Variants in PWWP3A observed in about 807,000 individuals in gnomAD.
PWWP3A encodes the protein PWWP domain containing 3A, DNA repair factor.
In PWWP3A, 53 loss-of-function variants were observed where a neutral mutation model predicts 79.0. The observed-to-expected ratio is 0.67, with a 90% CI of 0.54 to 0.84. The LOEUF (loss-of-function observed/expected upper bound fraction) is 0.84. Ranked by LOEUF, PWWP3A falls within the 40% of genes least tolerant of loss-of-function variation. The probability of loss-of-function intolerance (pLI) is 0.00; values close to 1 mark genes in which losing one functional copy is unlikely to be tolerated. For synonymous variants in PWWP3A, 443 were observed against 394.4 expected (o/e 1.12, Z -1.46); for missense variants, 973 against 948.0 (o/e 1.03, Z -0.35).
chr19:1,359,148 G>A (rs2081953727), intron 4 of PWWP3A: 1 of 163,214 alleles, frequency 6.1e-6, no homozygotes, highest in African/African-American at 2.4e-5. Flanking sequence ...AGGAGCACTG[G>A]TGACTGCCTG....
chr19:1,369,401 C>T lies in PWWP3A; in HGVS notation c.1498+61C>T, dbSNP rs1157690852. 2 of 1,580,442 alleles carry T rather than the reference C, an allele frequency of 1.3e-6. No individual in the cohort carries two copies. Among genetic ancestry groups the T allele is most frequent in the Admixed American group, 1.7e-5 (1 of 59,802 alleles). ...GCAGGCGTCCAGCCTCTGAAGACCC[C>T]TTGGACGGGCTGGGCCGGAGCTGCC... On this transcript the variant is annotated intron_variant, in intron 10 of 13. Coordinates refer to ENST00000591337, the MANE Select transcript of PWWP3A (RefSeq NM_001369789.1). This position sits in a 1 kb window ranked among gnomAD's most constrained non-coding sequence, Gnocchi z 4.0.
At chr19:1,375,538 T>TATATATAAAA (rs1355785315) in intron 13 of PWWP3A, among the ~76,000 whole-genome samples, 1 of 6,426 alleles carries the variant, frequency 1.6e-4, no homozygotes, top group Non-Finnish European at 3.3e-4. Flanking sequence ...TTTATATATT[T>TATATATAAAA]TATATATAAA....
chr19:1,372,748 C>G, intron 12 of PWWP3A: 1 of 252,088 alleles, frequency 4.0e-6, no homozygotes, highest in Non-Finnish European at 7.7e-6. Context: ...CAGGGCGAGA[C>G]TCTGTACCAG....
In PWWP3A at chr19:1,355,526, T is replaced by G. The variant is rs565819120; in HGVS notation, c.-70+391T>G. ...TCCCCCATCCCTGCCACCTGGACCC[T>G]CCGCTCCACCTCCTCCGTGAGCCCT... On this transcript the variant is annotated intron_variant, in intron 1 of 13. Coordinates refer to ENST00000591337, the MANE Select transcript of PWWP3A (RefSeq NM_001369789.1). Among the ~76,000 whole-genome samples the G allele has an allele frequency of 9.8e-5, 9 of 91,496 alleles. No individual in the cohort carries two copies. In the East Asian group the frequency reaches 3.2e-3, roughly 32 times the overall value. 60.0% of individuals were successfully genotyped at this position (91,496 alleles called of 152,430 possible). A position where few individuals can be genotyped will look rare whatever the true frequency, so the allele number is the denominator to read the frequency against.
At chr19:1,355,413 C>T in intron 1 of PWWP3A, among the ~76,000 whole-genome samples, 1 of 148,242 alleles carries the variant, frequency 6.7e-6, no homozygotes, top group East Asian at 2.0e-4. Context: ...TATCTCCTTC[C>T]CTGGATCCCC....
chr19:1,372,856 A>T (rs2082291228), intron 12 of PWWP3A: 1 of 543,168 alleles, frequency 1.8e-6, no homozygotes, highest in East Asian at 3.0e-5. Context: ...GATCTGAGCT[A>T]TTGTGTCTAG....
At position 1,361,941 on chromosome 19, in the gene PWWP3A, A is replaced by G. The variant is rs942983108; in HGVS notation, c.1112-309A>G. 8.1e-5 allele frequency: 22 copies of G among 270,484 alleles called. No individual in the cohort carries two copies. The Admixed American group carries it at 9.3e-4, about 11-fold the overall frequency. 16.8% of individuals were successfully genotyped at this position (270,484 alleles called of 1,614,324 possible). A position where few individuals can be genotyped will look rare whatever the true frequency, so the allele number is the denominator to read the frequency against. On this transcript the variant is annotated intron_variant, in intron 5 of 13. Coordinates refer to ENST00000591337, the MANE Select transcript of PWWP3A (RefSeq NM_001369789.1). ...TGTGAAGGGACAGCCAGGCCGGGAC[A>G]AAAGGGATTCCCACCCAGGGTGCGC...
intron 4 of PWWP3A, 182 bp downstream of exon 4, chr19:1,358,646 T>G: frequency 6.5e-7 from 1 of 1,534,084 alleles, no homozygotes; most frequent in East Asian, 2.5e-5. Context: ...TCTTAAACCT[T>G]TCCAGAATTT....
At position 1,377,906 on chromosome 19, in the gene PWWP3A, G is replaced by A. The variant is rs764400849; in HGVS notation, c.*1330G>A. Reference sequence around the variant, plus strand: ...TTGTCTCAGATGCAGGGCGCTGTGCGGGACGAAGCCGCAAGGACTCTCGTA... The same window carrying A: ...TTGTCTCAGATGCAGGGCGCTGTGCAGGACGAAGCCGCAAGGACTCTCGTA... On this transcript the variant is annotated 3_prime_UTR_variant, in exon 14 of 14. Transcript: ENST00000591337. 2.0e-5 allele frequency: 3 copies of A among 152,266 alleles called. No homozygotes were observed. Among genetic ancestry groups the A allele is most frequent in the Non-Finnish European group, 4.4e-5 (3 of 68,060 alleles). The allele number at this position is 152,266 out of a possible 1,614,324, so 9.4% of individuals were successfully genotyped here. A position where few individuals can be genotyped will look rare whatever the true frequency, so the allele number is the denominator to read the frequency against.
Position 1,355,106 on chromosome 19 carries a change from G to T in PWWP3A, c.-99G>T, listed in dbSNP as rs1353100586. On this transcript the variant is annotated 5_prime_UTR_variant, in exon 1 of 14. Transcript: ENST00000591337. ...CTGCGGCCTCCTTGCCCGGGCTTGG[G>T]GCGCCGCGCTGGGGAAAGCCGGGGG... 6.6e-6 allele frequency: 1 copy of T among 152,450 alleles called. No individual in the cohort carries two copies. The highest frequency in any genetic ancestry group is 1.9e-4 in the East Asian group (1 of 5,146). The allele number at this position is 152,450 out of a possible 1,614,324, so 9.4% of individuals were successfully genotyped here.
Position 1,370,869 on chromosome 19 carries a change from C to G in PWWP3A, c.1777C>G (p.Leu593Val). 6.4e-7 allele frequency: 1 copy of G among 1,559,542 alleles called. No homozygotes were observed. Among genetic ancestry groups the G allele is most frequent in the Non-Finnish European group, 8.7e-7 (1 of 1,151,456 alleles). ...CGCGGAGAGCCACCTGCGGGCCATC[C>G]TAAAGAGCAGGAAGCCATCTCGCTG... ...KGAESHLRAI[L>V]KSRKPSRWLQ... The change falls in exon 12 of 14, where the codon CTA becomes GTA. Residue 593 changes from leucine to valine, a missense_variant. Leu to Val is a conservative substitution (Grantham distance 32). Transcript: ENST00000591337.
chr19:1,372,578 G>GA (rs1466274376), intron 12 of PWWP3A: 2 of 152,398 alleles, frequency 1.3e-5, no homozygotes, highest in African/African-American at 2.4e-5. Flanking sequence ...CCAACATGGT[G>GA]AAACCCCGTT....
At position 1,360,341 on chromosome 19, in the gene PWWP3A, C is replaced by T. The variant is rs758075186; in HGVS notation, c.420C>T (p.Arg140=). Residue 140 remains arginine (R), a synonymous_variant, in exon 5 of 14, where the codon CGC becomes CGT. Transcript: ENST00000591337. The surrounding 1 kb of genome is among the most constrained non-coding windows in gnomAD (Gnocchi z 4.4). Reference sequence around the variant, plus strand: ...ATTCGAACTCCTCATCTCTTCCCCGCGGAGACGTGTTGGGCAGTTCCAGAC... The same window carrying T: ...ATTCGAACTCCTCATCTCTTCCCCGTGGAGACGTGTTGGGCAGTTCCAGAC... The part of the protein sequence containing the change: ...PCDSNSSSLP[R]GDVLGSSRPH... The T allele has an allele frequency of 9.3e-6, 15 of 1,614,072 alleles. No homozygotes were observed. The highest frequency in any genetic ancestry group is 6.7e-5 in the East Asian group (3 of 44,884).
rs373028469 is a variant in PWWP3A, at chr19:1,370,846, C to T, written c.1754C>T (p.Ala585Val). Residue 585 changes from alanine (A) to valine (V), a missense_variant, in exon 12 of 14, where the codon GCG becomes GTG. Coordinates refer to ENST00000591337, the MANE Select transcript of PWWP3A (RefSeq NM_001369789.1). ...LVEYIVKAKG[A>V]ESHLRAILKS... ...GAGTACATTGTGAAGGCCAAGGGCG[C>T]GGAGAGCCACCTGCGGGCCATCCTA... is the stretch of plus-strand genomic sequence containing the variant. 46 of 1,568,296 alleles carry T rather than the reference C, an allele frequency of 2.9e-5. No homozygotes were observed. The highest frequency in any genetic ancestry group is 3.6e-5 in the Non-Finnish European group (42 of 1,156,732).
chr19:1,360,914 AG>A lies in PWWP3A; in HGVS notation c.996del (p.Arg334GlufsTer4). Reference sequence around the variant, plus strand: ...CCGCACCATCCCCCGGGCCGGGGCCAGGGCCCAGAGAGTCTGTGACCCCGCG... The same window carrying A: ...CCGCACCATCCCCCGGGCCGGGGCCAGGCCCAGAGAGTCTGTGACCCCGCG... ...GAAPSPGPGP[G>X]PRESVTPRST... On this transcript the variant is annotated frameshift_variant, in exon 5 of 14. Coordinates refer to ENST00000591337, the MANE Select transcript of PWWP3A (RefSeq NM_001369789.1). LOFTEE classifies it high-confidence loss of function. This position sits in a 1 kb window ranked among gnomAD's most constrained non-coding sequence, Gnocchi z 4.4. 6.5e-7 allele frequency: 1 copy of A among 1,539,168 alleles called. No homozygotes were observed. The highest frequency in any genetic ancestry group is 8.8e-7 in the Non-Finnish European group (1 of 1,141,844).
chr19:1,359,283 G>A (rs532862021), intron 4 of PWWP3A: 1 of 152,786 alleles, frequency 6.5e-6, no homozygotes, highest in Non-Finnish European at 1.5e-5. Context: ...TTCCAATGAT[G>A]TTTATAAAAT....
At chr19:1,375,745 A>G (rs1239562689) in intron 13 of PWWP3A, among the ~76,000 whole-genome samples, 1 of 142,712 alleles carries the variant, frequency 7.0e-6, no homozygotes, top group Non-Finnish European at 1.5e-5. Context: ...ATTATATATA[A>G]AATATATAAT....
At chr19:1,355,160 CG>C (rs1406293665) in intron 1 of PWWP3A, 25 bp downstream of exon 1, 1 of 151,332 alleles carries the variant, frequency 6.6e-6, no homozygotes, top group Non-Finnish European at 1.5e-5. Context: ...TGCGTCCCCT[CG>C]GTTCCGCCGG....
chr19:1,375,526 AATT>A lies in PWWP3A; in HGVS notation c.2076-992_2076-990del, dbSNP rs375437536. The stretch of plus-strand genomic sequence containing the variant: ...TTATATATAATATATAAAATCATAT[AATT>A]TATATATTTTATATATAAAATATAT... On this transcript the variant is annotated intron_variant, in intron 13 of 13. Coordinates refer to ENST00000591337, the MANE Select transcript of PWWP3A (RefSeq NM_001369789.1). Among the ~76,000 whole-genome samples, 30 of 110,906 alleles carry A rather than the reference AATT, an allele frequency of 2.7e-4. 1 individual carries two copies. The highest frequency in any genetic ancestry group is 3.6e-4 in the Non-Finnish European group (20 of 55,250). The allele number at this position is 110,906 out of a possible 152,430, so 72.8% of individuals were successfully genotyped here.
Sources: gnomAD v4.1 joint callset for allele counts (sites outside exome capture counted in the v4.1 genomes callset) on GRCh38, gnomAD v4.1.1 for gene constraint, Gnocchi (gnomAD v3.1) non-coding constraint, MANE v1.5 for transcripts, NCBI Gene and HGNC (gene_info 2026-07-23, HGNC 2026-07-21) for gene names.